The following MAP2K5 variants were observed in gnomAD, a reference collection of about 807,000 sequenced individuals.
MAP2K5 encodes mitogen-activated protein kinase kinase 5.
A neutral mutation model predicts 83.1 loss-of-function variants in MAP2K5; 49 were observed. That is an observed-to-expected ratio of 0.59 (90% CI 0.47 to 0.75). MAP2K5 has a LOEUF of 0.75. MAP2K5 is among the 30% of genes least tolerant of loss of function. The probability of loss-of-function intolerance (pLI) is 0.00; values close to 1 mark genes in which losing one functional copy is unlikely to be tolerated. For missense variants in MAP2K5, 457 were observed against 557.5 expected, an observed-to-expected ratio of 0.82 and a Z score of 1.82; for synonymous variants, 202 against 191.8, an observed-to-expected ratio of 1.05 and a Z score of -0.44.
intron 17 of MAP2K5, among the ~76,000 whole-genome samples, chr15:67,742,284 T>C (rs1443911981): frequency 2.0e-5 from 3 of 152,204 alleles, no homozygotes; most frequent in African/African-American, 2.4e-5. Context: ...AATACCTATA[T>C]GTTTGGAATA....
intron 16 of MAP2K5, among the ~76,000 whole-genome samples, chr15:67,726,881 A>C (rs1208804953): frequency 6.6e-6 from 1 of 152,202 alleles, no homozygotes; most frequent in Non-Finnish European, 1.5e-5. Flanking sequence ...TTTTCTTTAA[A>C]TAGGTTTTTG....
chr15:67,687,127 A>T (rs559984068), intron 13 of MAP2K5, among the ~76,000 whole-genome samples: 1 of 152,332 alleles, frequency 6.6e-6, no homozygotes, highest in Non-Finnish European at 1.5e-5. Context: ...AATGAGATTT[A>T]TTTCAAAAAG....
chr15:67,589,299 C>G (rs140275804), intron 6 of MAP2K5, among the ~76,000 whole-genome samples: 1 of 151,938 alleles, frequency 6.6e-6, no homozygotes, highest in Non-Finnish European at 1.5e-5. Flanking sequence ...TAGCCAGATA[C>G]TAGCATAATG....
At chr15:67,580,934 C>G (rs761637544) in intron 4 of MAP2K5, 111 bp downstream of exon 4, 1 of 726,468 alleles carries the variant, frequency 1.4e-6, no homozygotes, top group African/African-American at 1.8e-5. Context: ...GCTCTTAATT[C>G]GAAAAACAAA....
chr15:67,609,195 T>A (rs1048810742), intron 8 of MAP2K5, among the ~76,000 whole-genome samples: 3 of 152,126 alleles, frequency 2.0e-5, no homozygotes, highest in African/African-American at 7.2e-5. Context: ...AAACCTTATG[T>A]CAGGTGTTGC....
At chr15:67,646,576 T>A in intron 11 of MAP2K5, 107 bp downstream of exon 11, 1 of 576,028 alleles carries the variant, frequency 1.7e-6, no homozygotes, top group Non-Finnish European at 2.9e-6. Flanking sequence ...TAATAAAATA[T>A]GCTAATAATT....
chr15:67,745,093 A>G (rs76120825), intron 17 of MAP2K5, among the ~76,000 whole-genome samples: 2,705 of 152,316 alleles, frequency 0.018, 34 homozygotes, highest in Non-Finnish European at 0.025. Flanking sequence ...AACTAGTTCT[A>G]GAGACTGATT....
chr15:67,598,642 G>T (rs72749351), intron 7 of MAP2K5, among the ~76,000 whole-genome samples: 2 of 152,088 alleles, frequency 1.3e-5, no homozygotes, highest in South Asian at 4.1e-4. Context: ...TGTAGTGGAT[G>T]TAAGTGGTAA....
At position 67,663,802 on chromosome 15, in the gene MAP2K5, G is replaced by A. The variant is rs56177977; in HGVS notation, c.799-795G>A. On this transcript the variant is annotated intron_variant, in intron 12 of 21. Transcript: ENST00000178640. ...AGGTGGGAGGATTGTTTGATCCCAG[G>A]AATTTGAGGTTACAGTGTGCTATGA... Among the ~76,000 whole-genome samples the A allele has an allele frequency of 4.9e-3, 740 of 152,220 alleles. 4 individuals carry two copies. The highest frequency in any genetic ancestry group is 6.8e-3 in the Middle Eastern group (2 of 294).
At position 67,801,709 on chromosome 15, in the gene MAP2K5, G is replaced by C. The variant is rs1465443794; in HGVS notation, c.1243-4937G>C. Among the ~76,000 whole-genome samples, 1 of 152,136 alleles carries C rather than the reference G, an allele frequency of 6.6e-6. No individual in the cohort carries two copies. The highest frequency in any genetic ancestry group is 2.1e-4 in the South Asian group (1 of 4,828). On this transcript the variant is annotated intron_variant, in intron 21 of 21. Transcript: ENST00000178640. The surrounding 1 kb of genome is among the most constrained non-coding windows in gnomAD (Gnocchi z 4.8). ...CAGGAGAGCTGTGGTCAGATGTAAG[G>C]CATTCAGCCAATGCCTGTACACAGC...
chr15:67,659,387 A>G (rs2087176828), intron 12 of MAP2K5: 1 of 152,336 alleles, frequency 6.6e-6, no homozygotes, highest in Non-Finnish European at 1.5e-5. Flanking sequence ...CACATTCATT[A>G]TACATCAAAC....
rs376965256 is a variant in MAP2K5 at position 67,748,181 on chromosome 15, A to G, written c.1075-50A>G. ...TCTCTCAGTGATCATAATGTGTCCA[A>G]GTGAGTCATTTTGATTATGACATGC... is the stretch of plus-strand genomic sequence containing the variant. On this transcript the variant is annotated intron_variant, in intron 17 of 21. Transcript: ENST00000178640. The surrounding 1 kb of genome is among the most constrained non-coding windows in gnomAD (Gnocchi z 4.0). The G allele has an allele frequency of 7.2e-7, 1 of 1,387,940 alleles. No homozygotes were observed. Among genetic ancestry groups the G allele is most frequent in the East Asian group, 2.3e-5 (1 of 43,688 alleles). The allele number at this position is 1,387,940 out of a possible 1,614,324, so 86.0% of individuals were successfully genotyped here.
intron 17 of MAP2K5, among the ~76,000 whole-genome samples, chr15:67,728,557 T>C (rs868849185): frequency 6.6e-6 from 1 of 152,190 alleles, no homozygotes; most frequent in Non-Finnish European, 1.5e-5. Flanking sequence ...TATTTTGTGG[T>C]TTGAAAATGA....
Position 67,585,890 on chromosome 15 carries a change from C to G in MAP2K5, c.323C>G (p.Ala108Gly). 1 of 1,613,648 alleles carries G rather than the reference C, an allele frequency of 6.2e-7. No individual in the cohort carries two copies. The change falls in exon 5 of 22, where the codon GCC (alanine) becomes GGC (glycine). Residue 108 changes from alanine (A) to glycine (G), a missense_variant and splice_region_variant. Ala to Gly is a moderately conservative substitution (Grantham distance 60). Coordinates refer to ENST00000178640, the MANE Select transcript of MAP2K5 (RefSeq NM_145160.3). ...LIEPLQIFPR[A>G]CKPPGERNIH... is the part of the protein sequence containing the mutation. ...ACAATTTAGTCAATTACTGTTTCAG[C>G]CTGCAAGCCTCCTGGGGAACGGAAC...
At chr15:67,743,952 A>G (rs141185073) in intron 17 of MAP2K5, among the ~76,000 whole-genome samples, 39 of 152,242 alleles carry the variant, frequency 2.6e-4, no homozygotes, top group Middle Eastern at 3.4e-3. Context: ...CTTACTCCAA[A>G]GTTCATGCGT....
intron 9 of MAP2K5, among the ~76,000 whole-genome samples, chr15:67,642,648 ATG>A (rs1162283673): frequency 9.2e-5 from 14 of 152,096 alleles, no homozygotes; most frequent in Admixed American, 9.2e-4. Context: ...AGCACAGGAT[ATG>A]TGTGTACACC....
intron 2 of MAP2K5, among the ~76,000 whole-genome samples, chr15:67,560,236 T>G (rs914206933): frequency 3.9e-5 from 6 of 152,260 alleles, no homozygotes; most frequent in Non-Finnish European, 7.3e-5. Flanking sequence ...GGTTTGCTCT[T>G]GGGCTGCCAT....
At chr15:67,549,928 A>T (rs1313775973) in intron 1 of MAP2K5, 106 bp from the exon 2 acceptor site, 1 of 804,126 alleles carries the variant, frequency 1.2e-6, no homozygotes, top group African/African-American at 1.7e-5. Context: ...GTTTATGCTA[A>T]CGTTTCAAAA....
intron 21 of MAP2K5, among the ~76,000 whole-genome samples, chr15:67,784,788 C>T (rs1427025611): frequency 6.6e-6 from 1 of 152,178 alleles, no homozygotes; most frequent in Non-Finnish European, 1.5e-5. Flanking sequence ...TCCACTTCTG[C>T]CATCATGGGT....
Sources: gnomAD v4.1 joint callset for allele counts (sites outside exome capture counted in the v4.1 genomes callset) on GRCh38, gnomAD v4.1.1 for gene constraint, Gnocchi (gnomAD v3.1) non-coding constraint, MANE v1.5 for transcripts, NCBI Gene and HGNC (gene_info 2026-07-23, HGNC 2026-07-21) for gene names.